The following PLCB2 variants were observed in gnomAD, a reference collection of about 807,000 sequenced individuals.
The protein encoded by PLCB2 is phospholipase C beta 2, also known as 1-phosphatidylinositol 4,5-bisphosphate phosphodiesterase beta-2.
Under a neutral mutation model 141.7 loss-of-function variants are expected in PLCB2, and 115 were observed. The observed-to-expected ratio is 0.81, with a 90% CI of 0.70 to 0.95. The LOEUF (loss-of-function observed/expected upper bound fraction) is 0.95, where lower values mean the gene tolerates loss of function less well. PLCB2 is among the 40% of genes least tolerant of loss of function. The pLI is 0.00. For synonymous variants in PLCB2, 603 were observed against 595.6 expected, an observed-to-expected ratio of 1.01 and a Z score of -0.18; for missense variants, 1,403 against 1,541.1, an observed-to-expected ratio of 0.91 and a Z score of 1.50.
rs762039673 is a variant in PLCB2 at position 40,292,390 on chromosome 15, C to T, written c.2380G>A (p.Ala794Thr). The change falls in exon 22 of 32, where the codon GCG becomes ACG. Residue 794 changes from alanine to threonine, a missense_variant. By Grantham distance (58) the Ala-to-Thr change is moderately conservative. This residue lies in a region of PLCB2 where 975 missense variants were observed against 1,141.1 expected (regional missense o/e 0.85). Coordinates refer to ENST00000260402, the MANE Select transcript of PLCB2 (RefSeq NM_004573.3). ...TTCATCTCCAGGAAGATGAAGAGCG[C>T]AGGCATGGTGAGGGGCATGTTGCTC... ...SESNMPLTMP[A>T]LFIFLEMKDY... 3 of 1,613,900 alleles carry T rather than the reference C, an allele frequency of 1.9e-6. No individual in the cohort carries two copies. The highest frequency in any genetic ancestry group is 2.5e-6 in the Non-Finnish European group (3 of 1,179,886).
At chr15:40,287,889 G>T (rs1415923234), downstream of PLCB2, 2 of 977,794 alleles carry the variant, frequency 2.0e-6, no homozygotes, top group Admixed American at 1.2e-4. Flanking sequence ...GTAGAATAGA[G>T]ACCAGGCTTA....
In PLCB2 at chr15:40,294,453, C is replaced by T. The variant is rs139634618; in HGVS notation, c.1907-33G>A. ...GACAAGGACACTCAGTGAGGAAGGC[C>T]CAGCCCTGGGGCTGTGCCCAGTCTC... On this transcript the variant is annotated intron_variant, in intron 18 of 31. Coordinates refer to ENST00000260402, the MANE Select transcript of PLCB2 (RefSeq NM_004573.3). The T allele has an allele frequency of 6.9e-4, 1,105 of 1,610,300 alleles. 6 individuals are homozygous for T. The African/African-American group carries it at 0.013, about 20-fold the overall frequency.
chr15:40,296,503 T>C lies in PLCB2; in HGVS notation c.1599+19A>G. ...CGGTGGAGGATGACACAGAGGGGCC[T>C]GGGGCTACCCCCACACACCTCATCC... On this transcript the variant is annotated intron_variant, in intron 15 of 31. Transcript: ENST00000260402. 6.2e-7 allele frequency: 1 copy of C among 1,613,842 alleles called. No individual in the cohort carries two copies. Among genetic ancestry groups the C allele is most frequent in the Non-Finnish European group, 8.5e-7 (1 of 1,179,852 alleles).
At chr15:40,290,536 G>A in intron 29 of PLCB2, 41 bp downstream of exon 29, 1 of 1,420,698 alleles carries the variant, frequency 7.0e-7, no homozygotes, top group African/African-American at 1.4e-5. Flanking sequence ...TCCACCTGAA[G>A]TGGGGTCTGC....
Position 40,294,380 on chromosome 15 carries a change from G to T in PLCB2, c.1947C>A (p.Asn649Lys), listed in dbSNP as rs758039999. The T allele has an allele frequency of 6.2e-7, 1 of 1,614,166 alleles. No individual in the cohort carries two copies. The change falls in exon 19 of 32, where the codon AAC (asparagine) becomes AAA (lysine). Residue 649 changes from asparagine (N) to lysine (K), a missense_variant. By Grantham distance (94) the Asn-to-Lys change is moderately conservative (BLOSUM62 0). Around this residue, in one of 4 missense-constraint regions of PLCB2, gnomAD observed 975 missense variants for 1,141.1 expected, o/e 0.85. Coordinates refer to ENST00000260402, the MANE Select transcript of PLCB2 (RefSeq NM_004573.3). ...MQQNMAVFEFNGQSGYLLKHE... is the reference protein window; with the variant it reads ...MQQNMAVFEFKGQSGYLLKHE... ...GCTTGAGGAGGTAGCCGCTCTGCCC[G>T]TTGAACTCAAATACTGCCATGTTCT...
At position 40,298,619 on chromosome 15, in the gene PLCB2, T is replaced by C. The variant is rs1445563606; in HGVS notation, c.940A>G (p.Met314Val). The C allele has an allele frequency of 6.2e-7, 1 of 1,614,104 alleles. No individual in the cohort carries two copies. Among genetic ancestry groups the C allele is most frequent in the Non-Finnish European group, 8.5e-7 (1 of 1,180,040 alleles). The change falls in exon 10 of 32, where the codon ATG becomes GTG. Residue 314 changes from methionine (M) to valine (V), a missense_variant. Met to Val is a conservative substitution (Grantham distance 21). Around this residue, in one of 4 missense-constraint regions of PLCB2, gnomAD observed 975 missense variants for 1,141.1 expected, o/e 0.85. Transcript: ENST00000260402. ...AQDKLLLHHDMTQPLNHYFIN... is the reference protein window; with the variant it reads ...AQDKLLLHHDVTQPLNHYFIN... Reference sequence around the variant, plus strand: ...AAGTAATGATTGAGTGGCTGCGTCATGTCGTGGTGGAGCAGCAGCTTGTCC... The same window carrying C: ...AAGTAATGATTGAGTGGCTGCGTCACGTCGTGGTGGAGCAGCAGCTTGTCC...
Position 40,293,476 on chromosome 15 carries a change from G to C in PLCB2, c.2226+84C>G, listed in dbSNP as rs1248559281. On this transcript the variant is annotated intron_variant, in intron 20 of 31. Transcript: ENST00000260402. ...GGAAGAGGAGGAGGAGGAAGGTCAA[G>C]GAGCTGCCTTGTTTACTTCCTCTTG... is the stretch of plus-strand genomic sequence containing the variant. 4 of 1,363,126 alleles carry C rather than the reference G, an allele frequency of 2.9e-6. No individual in the cohort carries two copies. In the East Asian group the frequency reaches 7.0e-5, roughly 24 times the overall value. The allele number at this position is 1,363,126 out of a possible 1,614,324, so 84.4% of individuals were successfully genotyped here. A position where few individuals can be genotyped will look rare whatever the true frequency, so the allele number is the denominator to read the frequency against.
chr15:40,289,438 A>T, intron 30 of PLCB2, 80 bp from the exon 31 acceptor site: 2 of 1,062,914 alleles, frequency 1.9e-6, no homozygotes, highest in South Asian at 2.5e-5. Context: ...ATCCCAGCTA[A>T]CTAGTTGTAA....
chr15:40,287,862 GCCC>G (rs1220107228), downstream of PLCB2: 1 of 932,428 alleles, frequency 1.1e-6, no homozygotes, highest in Non-Finnish European at 1.3e-6. Context: ...CCACTACCCT[GCCC>G]CCATTTTCTA....
chr15:40,295,014 T>C lies in PLCB2; in HGVS notation c.1828A>G (p.Met610Val), dbSNP rs762261084. The change falls in exon 18 of 32, where the codon ATG becomes GTG. Residue 610 changes from methionine (M) to valine (V), a missense_variant. This residue lies in a region of PLCB2 where 975 missense variants were observed against 1,141.1 expected (regional missense o/e 0.85). Transcript: ENST00000260402. Reference sequence around the variant, plus strand: ...TGGGGCATGTAGTTGGAGGAGTCCATGCGGGTTCCCTTGGGGTAAATGCGG... The same window carrying C: ...TGGGGCATGTAGTTGGAGGAGTCCACGCGGGTTCCCTTGGGGTAAATGCGG... ...MSRIYPKGTRMDSSNYMPQMF... is the reference protein window; with the variant it reads ...MSRIYPKGTRVDSSNYMPQMF... 3 of 1,614,024 alleles carry C rather than the reference T, an allele frequency of 1.9e-6. No homozygotes were observed. The highest frequency in any genetic ancestry group is 2.2e-5 in the East Asian group (1 of 44,876).
chr15:40,302,408 C>T, intron 4 of PLCB2, 59 bp from the exon 5 acceptor site: 1 of 1,612,368 alleles, frequency 6.2e-7, no homozygotes, highest in Non-Finnish European at 8.5e-7. Flanking sequence ...AGGCCTGTGT[C>T]TCTCAGGAAG....
At chr15:40,307,139 G>T (rs1033174863) in intron 1 of PLCB2, among the ~76,000 whole-genome samples, 1 of 152,202 alleles carries the variant, frequency 6.6e-6, no homozygotes, top group Admixed American at 6.5e-5. Flanking sequence ...GGAGAGCAAG[G>T]CTTCCCTGGA....
At chr15:40,285,800 C>T, downstream of PLCB2, 6 of 985,426 alleles carry the variant, frequency 6.1e-6, no homozygotes, top group South Asian at 4.7e-5. Context: ...TGACTCACAC[C>T]CCCCCAGGTG....
intron 7 of PLCB2, chr15:40,301,197 T>C (rs2040487241): frequency 4.9e-6 from 1 of 204,288 alleles, no homozygotes; most frequent in Admixed American, 5.4e-5. Context: ...GGGCAGGTGA[T>C]CAATGGGGGT....
At chr15:40,295,389 C>A in intron 16 of PLCB2, 104 bp from the exon 17 acceptor site, 1 of 754,968 alleles carries the variant, frequency 1.3e-6, no homozygotes, top group Non-Finnish European at 2.4e-6. Flanking sequence ...AGAGATGCCT[C>A]CACCCCAGCA....
At chr15:40,293,830 G>T in intron 19 of PLCB2, 106 bp from the exon 20 acceptor site, 1 of 1,136,812 alleles carries the variant, frequency 8.8e-7, no homozygotes, top group Non-Finnish European at 1.3e-6. Flanking sequence ...GTTCTTGGGT[G>T]TTATGAAGAA....
downstream of PLCB2, chr15:40,285,704 GA>G: frequency 1.0e-6 from 1 of 985,402 alleles, no homozygotes; most frequent in Non-Finnish European, 1.2e-6. Context: ...CACTGTGAGG[GA>G]AATTGCTTTC....
intron 1 of PLCB2, among the ~76,000 whole-genome samples, chr15:40,304,594 C>A (rs1280452531): frequency 6.6e-6 from 1 of 152,104 alleles, no homozygotes; most frequent in Non-Finnish European, 1.5e-5. Context: ...CAAGGACAAC[C>A]CAAGCCCCCC....
At chr15:40,306,052 T>C (rs2141196988) in intron 1 of PLCB2, among the ~76,000 whole-genome samples, 1 of 152,356 alleles carries the variant, frequency 6.6e-6, no homozygotes, top group Admixed American at 6.5e-5. Flanking sequence ...ATATAATGTC[T>C]TGTGGCCTTG....
Sources: allele counts gnomAD v4.1 joint callset (sites outside exome capture counted in the v4.1 genomes callset), GRCh38; gene constraint gnomAD v4.1.1; regional missense constraint gnomAD v4.1.1; transcripts MANE v1.5; gene names NCBI Gene and HGNC (gene_info 2026-07-23, HGNC 2026-07-21).